The following VDAC1 variants were observed in gnomAD, a reference collection of about 807,000 sequenced individuals.
VDAC1 encodes non-selective voltage-gated ion channel VDAC1.
In VDAC1, 10 loss-of-function variants were observed where a neutral mutation model predicts 34.7. That is an observed-to-expected ratio of 0.29 (90% CI 0.18 to 0.49). VDAC1 has a LOEUF of 0.49. Among genes scored for constraint, VDAC1 ranks in the 20% least tolerant of loss-of-function variants. The pLI, the probability that VDAC1 is intolerant of heterozygous loss-of-function variation, is 0.99. For missense variants in VDAC1, 230 were observed against 347.9 expected (o/e 0.66, Z 2.69); for synonymous variants, 130 against 136.0 (o/e 0.96, Z 0.30).
chr5:134,096,588 C>A, the VDAC1 span, among the ~76,000 whole-genome samples: 140 of 128,376 alleles, frequency 1.1e-3, no homozygotes, highest in African/African-American at 3.9e-3. Context: ...TCTATATTTT[C>A]TTTTCTTTTC....
chr5:134,032,747 T>A, the VDAC1 span, among the ~76,000 whole-genome samples: 1 of 152,076 alleles, frequency 6.6e-6, no homozygotes, highest in Non-Finnish European at 1.5e-5. Context: ...TATAAAGAAA[T>A]AAAGCCAGGA....
At chr5:134,111,418 T>G in the VDAC1 span, among the ~76,000 whole-genome samples, 2 of 152,086 alleles carry the variant, frequency 1.3e-5, no homozygotes, top group Non-Finnish European at 2.9e-5. Context: ...CCCGGTCACC[T>G]CCAGGGGGGC....
intron 4 of VDAC1, 38 bp from the exon 5 acceptor site, chr5:133,990,945 A>C: frequency 6.2e-7 from 1 of 1,602,918 alleles, no homozygotes; most frequent in Non-Finnish European, 8.5e-7. Context: ...ATTTAGTCAC[A>C]AGGCAGGCTG....
At chr5:134,069,759 T>C in the VDAC1 span, among the ~76,000 whole-genome samples, 1 of 152,138 alleles carries the variant, frequency 6.6e-6, no homozygotes, top group Non-Finnish European at 1.5e-5. Context: ...TTGAGTAAAA[T>C]GAGGCTGAGA....
At chr5:134,095,617 G>T in the VDAC1 span, among the ~76,000 whole-genome samples, 2 of 151,922 alleles carry the variant, frequency 1.3e-5, no homozygotes, top group Non-Finnish European at 2.9e-5. Flanking sequence ...GAATCCTTGG[G>T]TGGCCTTCCT....
chr5:133,997,673 A>G (rs1260211763), intron 1 of VDAC1, among the ~76,000 whole-genome samples: 1 of 141,210 alleles, frequency 7.1e-6, no homozygotes, highest in Non-Finnish European at 1.5e-5. Context: ...ATGCCACTGC[A>G]CTCCAGCCTG....
At chr5:133,987,284 C>T (rs573235479) in intron 5 of VDAC1, among the ~76,000 whole-genome samples, 2 of 152,150 alleles carry the variant, frequency 1.3e-5, no homozygotes, top group African/African-American at 2.4e-5. Flanking sequence ...TCCCTTGAGC[C>T]AGGGAGGCAG....
intron 6 of VDAC1, among the ~76,000 whole-genome samples, chr5:133,976,663 G>A (rs1476297498): frequency 1.3e-5 from 2 of 150,922 alleles, no homozygotes; most frequent in Admixed American, 6.6e-5. Flanking sequence ...AAAAAAAAAA[G>A]AAGCAGCAAG....
At chr5:133,974,099 T>G (rs1392244037) in intron 7 of VDAC1, among the ~76,000 whole-genome samples, 1 of 152,220 alleles carries the variant, frequency 6.6e-6, no homozygotes, top group Non-Finnish European at 1.5e-5. Context: ...GAAGGCCTCT[T>G]AGGGGCCAGT....
At chr5:134,023,371 C>T in the VDAC1 span, among the ~76,000 whole-genome samples, 361 of 151,500 alleles carry the variant, frequency 2.4e-3, 2 homozygotes, top group South Asian at 4.6e-3. Flanking sequence ...TAATGCATAC[C>T]GGGCTTAAAA....
chr5:133,991,265 G>A, intron 3 of VDAC1, 111 bp from the exon 4 acceptor site: 1 of 1,368,304 alleles, frequency 7.3e-7, no homozygotes, highest in Admixed American at 2.0e-5. Flanking sequence ...CTGAATGTGG[G>A]GGGGCCAAGG....
At chr5:134,046,505 C>T in the VDAC1 span, among the ~76,000 whole-genome samples, 1 of 152,178 alleles carries the variant, frequency 6.6e-6, no homozygotes, top group Non-Finnish European at 1.5e-5. Context: ...CTGCAAACAT[C>T]TGCAAAGTCC....
intron 7 of VDAC1, among the ~76,000 whole-genome samples, chr5:133,975,493 C>T (rs1752443369): frequency 6.7e-6 from 1 of 148,876 alleles, no homozygotes; most frequent in African/African-American, 2.5e-5. Flanking sequence ...TAGAATCTCA[C>T]TCTGTCACCC....
At chr5:134,085,974 C>T in the VDAC1 span, among the ~76,000 whole-genome samples, 1 of 152,078 alleles carries the variant, frequency 6.6e-6, no homozygotes, top group Non-Finnish European at 1.5e-5. Flanking sequence ...GTGTGGATCA[C>T]TTGAGGTCAG....
chr5:134,040,523 C>T, the VDAC1 span, among the ~76,000 whole-genome samples: 9 of 151,296 alleles, frequency 5.9e-5, no homozygotes, highest in Admixed American at 5.9e-4. Flanking sequence ...TGCAGTGAGC[C>T]GAGACCACGC....
At chr5:134,071,428 G>T in the VDAC1 span, among the ~76,000 whole-genome samples, 1 of 152,118 alleles carries the variant, frequency 6.6e-6, no homozygotes, top group Admixed American at 6.5e-5. The surrounding 1 kb of genome is among the most constrained non-coding windows in gnomAD (Gnocchi z 4.1). Context: ...CATCCTCCTC[G>T]CCCAGCCTCG....
rs763106118 is a variant in VDAC1 at position 133,990,926 on chromosome 5, T to C, written c.271-19A>G. On this transcript the variant is annotated intron_variant, in intron 4 of 8. Transcript: ENST00000265333. Reference sequence around the variant, plus strand: ...GTGCAAGCTGAACAGAAAAGAAATTTGCCACTAGATTTAGTCACAAGGCAG... The same window carrying C: ...GTGCAAGCTGAACAGAAAAGAAATTCGCCACTAGATTTAGTCACAAGGCAG... The C allele has an allele frequency of 9.4e-6, 15 of 1,592,488 alleles. No individual in the cohort carries two copies. The highest frequency in any genetic ancestry group is 1.3e-5 in the Non-Finnish European group (15 of 1,167,512).
At chr5:133,978,406 G>C (rs1752562199) in intron 6 of VDAC1, among the ~76,000 whole-genome samples, 1 of 152,132 alleles carries the variant, frequency 6.6e-6, no homozygotes, top group Non-Finnish European at 1.5e-5. Context: ...CAAGTAGCTA[G>C]GATTACACGT....
chr5:134,046,717 A>G, the VDAC1 span, among the ~76,000 whole-genome samples: 1 of 152,148 alleles, frequency 6.6e-6, no homozygotes, highest in African/African-American at 2.4e-5. Context: ...AGGGGAAAGG[A>G]AAAGGACTAC....
Sources: allele counts gnomAD v4.1 joint callset (sites outside exome capture counted in the v4.1 genomes callset), GRCh38; gene constraint gnomAD v4.1.1; non-coding constraint Gnocchi (gnomAD v3.1); transcripts MANE v1.5; gene names NCBI Gene and HGNC (gene_info 2026-07-23, HGNC 2026-07-21).